Variants in EQTN observed in about 807,000 individuals in gnomAD.
EQTN encodes equatorin, also known as Acrosome formation associated factor.
A neutral mutation model predicts 26.9 loss-of-function variants in EQTN; 29 were observed. The ratio of observed to expected loss-of-function variants is 1.08; its 90% CI spans 0.80 to 1.47. The LOEUF is 1.47. Ranked by LOEUF, EQTN falls within the 40% of genes most tolerant of loss-of-function variation. The probability of loss-of-function intolerance (pLI) is 0.00; values close to 1 mark genes in which losing one functional copy is unlikely to be tolerated. For missense variants in EQTN, 391 were observed against 346.1 expected, an observed-to-expected ratio of 1.13 and a Z score of -1.03; for synonymous variants, 129 against 120.0, an observed-to-expected ratio of 1.07 and a Z score of -0.49.
chr9:27,295,817 G>A (rs1450814248), intron 2 of EQTN, among the ~76,000 whole-genome samples: 33 of 116,810 alleles, frequency 2.8e-4, no homozygotes, highest in African/African-American at 3.8e-4. Context: ...GGGCGACAGC[G>A]CGAGACTCCG....
chr9:27,291,041 TG>T lies in EQTN; in HGVS notation c.398del (p.Ala133AspfsTer6). The T allele has an allele frequency of 4.3e-6, 7 of 1,612,386 alleles. No homozygotes were observed. Among genetic ancestry groups the T allele is most frequent in the Non-Finnish European group, 5.9e-6 (7 of 1,179,474 alleles). On this transcript the variant is annotated frameshift_variant, in exon 5 of 8. Transcript: ENST00000380032. LOFTEE classifies it high-confidence loss of function. ...NIQRSTPNVP[A>X]FWTMLAKAIN... ...TACCTTTAGCTAACATTGTCCAAAATGCAGGCACGTTTGGGGTTGATCCTGT... is the reference window on the plus strand; with the variant it reads ...TACCTTTAGCTAACATTGTCCAAAATCAGGCACGTTTGGGGTTGATCCTGT...
At chr9:27,293,812 C>G (rs919864904) in intron 3 of EQTN, among the ~76,000 whole-genome samples, 14 of 152,120 alleles carry the variant, frequency 9.2e-5, no homozygotes, top group Admixed American at 6.5e-4. Context: ...TGAAATTGCT[C>G]AAAATATTCC....
chr9:27,294,454 T>C (rs776024569), intron 2 of EQTN, 52 bp from the exon 3 acceptor site: 3 of 1,131,154 alleles, frequency 2.7e-6, no homozygotes, highest in Non-Finnish European at 3.8e-6. Flanking sequence ...CTTTTTTTCC[T>C]TTACCTTTTT....
At chr9:27,291,805 A>C (rs751876659) in intron 4 of EQTN, among the ~76,000 whole-genome samples, 10 of 152,224 alleles carry the variant, frequency 6.6e-5, no homozygotes, top group Non-Finnish European at 1.3e-4. Flanking sequence ...TGGAGAAAAT[A>C]GGGTTTCATG....
chr9:27,290,204 C>T (rs1820204009), intron 5 of EQTN, among the ~76,000 whole-genome samples: 1 of 152,048 alleles, frequency 6.6e-6, no homozygotes. Context: ...GCAAAATCAT[C>T]AACAAAAAAG....
At position 27,292,498 on chromosome 9, in the gene EQTN, G is replaced by A; in HGVS notation, c.290-11C>T. 2 of 1,551,012 alleles carry A rather than the reference G, an allele frequency of 1.3e-6. No homozygotes were observed. The highest frequency in any genetic ancestry group is 1.8e-6 in the Non-Finnish European group (2 of 1,133,354). ...CATTGACAGTTTTATCTAGGAAAAG[G>A]GAAAAAGAATTATCAGCATGTAAAA... On this transcript the variant is annotated splice_polypyrimidine_tract_variant and intron_variant, in intron 3 of 7. Transcript: ENST00000380032.
intron 7 of EQTN, 32 bp downstream of exon 7, chr9:27,286,177 G>A: frequency 1.9e-6 from 3 of 1,605,072 alleles, no homozygotes; most frequent in Non-Finnish European, 2.6e-6. Context: ...TCATGCATTT[G>A]TTGTAAAGAC....
chr9:27,290,119 G>A (rs1011272740), intron 5 of EQTN, among the ~76,000 whole-genome samples: 4 of 152,128 alleles, frequency 2.6e-5, no homozygotes, highest in African/African-American at 9.7e-5. Flanking sequence ...ATCTCCATAA[G>A]GAACATCACA....
chr9:27,285,712 T>C (rs996066871), intron 7 of EQTN, among the ~76,000 whole-genome samples: 2 of 152,154 alleles, frequency 1.3e-5, no homozygotes, highest in African/African-American at 2.4e-5. Flanking sequence ...TCTGTTAGGA[T>C]TTTTGAAGGT....
intron 5 of EQTN, 133 bp downstream of exon 5, chr9:27,290,886 G>A: frequency 1.7e-6 from 1 of 590,996 alleles, no homozygotes; most frequent in East Asian, 3.0e-5. Context: ...TTGTTTTGAA[G>A]TTTGCTATTA....
At chr9:27,290,891 C>T (rs968362441) in intron 5 of EQTN, 128 bp downstream of exon 5, 6 of 620,346 alleles carry the variant, frequency 9.7e-6, no homozygotes, top group South Asian at 4.0e-5. Flanking sequence ...TTGAAGTTTG[C>T]TATTACATGT....
chr9:27,291,162 G>T, intron 4 of EQTN, 99 bp from the exon 5 acceptor site: 2 of 1,115,418 alleles, frequency 1.8e-6, no homozygotes, highest in Non-Finnish European at 1.3e-6. Context: ...TCATTTAGCA[G>T]TTAAACTTTG....
At chr9:27,296,947 C>G (rs780696544) in intron 1 of EQTN, 33 bp downstream of exon 1, 1 of 1,265,178 alleles carries the variant, frequency 7.9e-7, no homozygotes, top group Non-Finnish European at 1.1e-6. Context: ...TTCTTACCTA[C>G]TATTTTTATA....
At chr9:27,287,566 A>G (rs919327613) in intron 6 of EQTN, among the ~76,000 whole-genome samples, 3 of 152,208 alleles carry the variant, frequency 2.0e-5, no homozygotes, top group Non-Finnish European at 4.4e-5. Flanking sequence ...AGTTTTCTCA[A>G]CTGTAAAATG....
chr9:27,294,389 T>A lies in EQTN; in HGVS notation c.216A>T (p.Thr72=). ...CAGACTCAGTGCCATTTGGATTTTG[T>A]GTTGTGAACACATCTAAAAACAAAA... ...YKDIKQYVFT[T]QNPNGTESEI... Residue 72 remains threonine, a synonymous_variant, in exon 3 of 8, where the codon ACA becomes ACT. Coordinates refer to ENST00000380032, the MANE Select transcript of EQTN (RefSeq NM_020641.3). The A allele has an allele frequency of 1.2e-6, 2 of 1,600,252 alleles. No individual in the cohort carries two copies. Among genetic ancestry groups the A allele is most frequent in the Non-Finnish European group, 1.7e-6 (2 of 1,171,162 alleles).
Position 27,296,686 on chromosome 9 carries a change from CT to C in EQTN, c.128del (p.Lys43ArgfsTer23). 6.2e-7 allele frequency: 1 copy of C among 1,607,082 alleles called. No individual in the cohort carries two copies. Among genetic ancestry groups the C allele is most frequent in the Non-Finnish European group, 8.5e-7 (1 of 1,176,204 alleles). On this transcript the variant is annotated frameshift_variant, in exon 2 of 8. Coordinates refer to ENST00000380032, the MANE Select transcript of EQTN (RefSeq NM_020641.3). LOFTEE classifies it high-confidence loss of function. ...CATAATTGGGAGTATGATCTTCATT[CT>C]TTTCTTCCTGCTTATTAACATCTTC... Reference protein sequence around the residue: ...LNEDVNKQEEKNEDHTPNYAP... With the variant: ...LNEDVNKQEEXNEDHTPNYAP...
rs374636857 is a variant in EQTN, at chr9:27,289,865, C to A, written c.422-134G>T. The A allele has an allele frequency of 1.0e-4, 57 of 563,468 alleles. No homozygotes were observed. The East Asian group carries it at 1.2e-3, about 12-fold the overall frequency. 34.9% of individuals were successfully genotyped at this position (563,468 alleles called of 1,614,324 possible). A position where few individuals can be genotyped will look rare whatever the true frequency, so the allele number is the denominator to read the frequency against. ...TCTCATTATTCGTGGCAGTTATATT[C>A]TATAAAGTCTTATAAACACTGTATT... On this transcript the variant is annotated intron_variant, in intron 5 of 7. Transcript: ENST00000380032.
At chr9:27,287,807 C>G (rs1820152160) in intron 6 of EQTN, among the ~76,000 whole-genome samples, 1 of 151,930 alleles carries the variant, frequency 6.6e-6, no homozygotes, top group African/African-American at 2.4e-5. Flanking sequence ...CTTTTCTTTT[C>G]TTTTTTTGAG....
Position 27,297,077 on chromosome 9 carries a change from C to T in EQTN, c.-22G>A, listed in dbSNP as rs1440488278. On this transcript the variant is annotated 5_prime_UTR_variant, in exon 1 of 8. Coordinates refer to ENST00000380032, the MANE Select transcript of EQTN (RefSeq NM_020641.3). ...TCATTGGGAAATTGAAGTGATTTAT[C>T]CAGTAATCTAGTGCGTCTACCCAGA... 1 of 1,560,718 alleles carries T rather than the reference C, an allele frequency of 6.4e-7. No homozygotes were observed. Among genetic ancestry groups the T allele is most frequent in the Admixed American group, 1.7e-5 (1 of 57,814 alleles).
Sources: gnomAD v4.1 joint callset for allele counts (sites outside exome capture counted in the v4.1 genomes callset) on GRCh38, gnomAD v4.1.1 for gene constraint, MANE v1.5 for transcripts, NCBI Gene and HGNC (gene_info 2026-07-23, HGNC 2026-07-21) for gene names.